Variants in MYO1E observed in about 807,000 individuals in gnomAD.
MYO1E encodes the protein myosin IE.
Under a neutral mutation model 151.1 loss-of-function variants are expected in MYO1E, and 68 were observed. That is an observed-to-expected ratio of 0.45 (90% CI 0.37 to 0.55). The LOEUF (loss-of-function observed/expected upper bound fraction) is 0.55. Among genes scored for constraint, MYO1E ranks in the 20% least tolerant of loss-of-function variants. The pLI is 0.00. For synonymous variants in MYO1E, 601 were observed against 501.7 expected (o/e 1.20, Z -2.64); for missense variants, 1,363 against 1,389.3 (o/e 0.98, Z 0.30).
chr15:59,226,357 G>GAAACA (rs1377498924), intron 7 of MYO1E, among the ~76,000 whole-genome samples: 27 of 152,004 alleles, frequency 1.8e-4, no homozygotes, highest in African/African-American at 6.5e-4. Context: ...AACACGAAAT[G>GAAACA]AAACAAAACA....
intron 26 of MYO1E, among the ~76,000 whole-genome samples, chr15:59,141,797 CA>C (rs753344067): frequency 0.014 from 633 of 44,924 alleles, 1 homozygote; most frequent in African/African-American, 0.032. Flanking sequence ...GACTTTGTCT[CA>C]AAAAAAAAAA....
At chr15:59,210,466 T>A in intron 13 of MYO1E, 48 bp downstream of exon 13, 1 of 1,273,436 alleles carries the variant, frequency 7.9e-7, no homozygotes, top group Non-Finnish European at 1.1e-6. Context: ...AAAACTCACT[T>A]AATGTAAACC....
chr15:59,253,846 T>C (rs941243519), intron 4 of MYO1E, among the ~76,000 whole-genome samples: 2 of 150,588 alleles, frequency 1.3e-5, no homozygotes, highest in Admixed American at 6.6e-5. Context: ...AGCAACATCA[T>C]AGGATACAAT....
At chr15:59,158,410 T>TA in intron 24 of MYO1E, 31 bp from the exon 25 acceptor site, 8 of 1,514,934 alleles carry the variant, frequency 5.3e-6, no homozygotes, top group Non-Finnish European at 7.2e-6. Context: ...TTAAAACCAG[T>TA]GCTACTGGTT....
rs79063730 is a variant in MYO1E, at chr15:59,307,174, G to C, written c.4-34725C>G. On this transcript the variant is annotated intron_variant, in intron 1 of 27. Coordinates refer to ENST00000288235, the MANE Select transcript of MYO1E (RefSeq NM_004998.4). ...TGAAAATGTAGGCTATTGCTTCCCA[G>C]CTTCAGAGTGAAACTAAGTCCAAGG... Among the ~76,000 whole-genome samples, 78 of 152,282 alleles carry C rather than the reference G, an allele frequency of 5.1e-4. 1 individual carries two copies. The highest frequency in any genetic ancestry group is 1.8e-3 in the African/African-American group (73 of 41,556).
At position 59,165,096 on chromosome 15, in the gene MYO1E, T is replaced by C. The variant is rs534871932; in HGVS notation, c.2481-1793A>G. ...CACCTTGACCTTGGACTTCCCGGTC[T>C]CTAGAACTGTAAAAATTAAATTCTT... On this transcript the variant is annotated intron_variant, in intron 22 of 27. Transcript: ENST00000288235. Among the ~76,000 whole-genome samples the C allele has an allele frequency of 5.3e-5, 8 of 152,326 alleles. No homozygotes were observed. The South Asian group carries it at 1.7e-3, about 32-fold the overall frequency.
chr15:59,187,267 T>TA (rs2079704277), intron 18 of MYO1E, among the ~76,000 whole-genome samples: 1 of 152,032 alleles, frequency 6.6e-6, no homozygotes, highest in Non-Finnish European at 1.5e-5. Context: ...AACACCCAAT[T>TA]AAAAAATGGC....
At chr15:59,330,679 C>T (rs142520979) in intron 1 of MYO1E, among the ~76,000 whole-genome samples, 37 of 152,298 alleles carry the variant, frequency 2.4e-4, no homozygotes, top group African/African-American at 8.7e-4. Context: ...GTGCACCTGT[C>T]CCACCTTTAT....
chr15:59,363,508 C>CAA (rs1195768748), intron 1 of MYO1E, among the ~76,000 whole-genome samples: 1 of 152,156 alleles, frequency 6.6e-6, no homozygotes, highest in African/African-American at 2.4e-5. Flanking sequence ...AAAAAGTATA[C>CAA]AAATACGTGG....
intron 18 of MYO1E, among the ~76,000 whole-genome samples, chr15:59,180,653 TC>T (rs1842975888): frequency 6.6e-6 from 1 of 151,992 alleles, no homozygotes; most frequent in African/African-American, 2.4e-5. Context: ...GCCTGGGGCT[TC>T]CTTTGCTTCC....
At chr15:59,321,171 T>C (rs2080623467) in intron 1 of MYO1E, among the ~76,000 whole-genome samples, 1 of 151,886 alleles carries the variant, frequency 6.6e-6, no homozygotes, top group African/African-American at 2.4e-5. Context: ...TATTAGAAAG[T>C]CAAAAAACAA....
chr15:59,285,622 T>C (rs1242174956), intron 1 of MYO1E, among the ~76,000 whole-genome samples: 1 of 152,066 alleles, frequency 6.6e-6, no homozygotes, highest in Non-Finnish European at 1.5e-5. Flanking sequence ...GTGCTGGGAT[T>C]ACAGGCGTGA....
intron 2 of MYO1E, chr15:59,271,045 C>A (rs1421334666): frequency 3.3e-5 from 5 of 152,134 alleles, no homozygotes; most frequent in African/African-American, 1.2e-4. Flanking sequence ...GTAAAATTCC[C>A]TTATAGTAAA....
chr15:59,296,246 T>C (rs1434111259), intron 1 of MYO1E, among the ~76,000 whole-genome samples: 2 of 152,140 alleles, frequency 1.3e-5, no homozygotes, highest in African/African-American at 4.8e-5. Context: ...CACAGCAATT[T>C]CCCATTTTAA....
At chr15:59,167,211 T>G (rs1339727550) in intron 22 of MYO1E, among the ~76,000 whole-genome samples, 1 of 152,192 alleles carries the variant, frequency 6.6e-6, no homozygotes, top group Non-Finnish European at 1.5e-5. Context: ...CTGGAGCCTC[T>G]GTCTAAAAGC....
At position 59,137,854 on chromosome 15, in the gene MYO1E, C is replaced by G. The variant is rs566095565; in HGVS notation, c.3250+344G>C. ...GGACACATGGCTAATTTGGTCTGAT[C>G]AGAATAAAAGTCAGGACTTTTGTCC... On this transcript the variant is annotated intron_variant, in intron 27 of 27. Coordinates refer to ENST00000288235, the MANE Select transcript of MYO1E (RefSeq NM_004998.4). 3.9e-5 allele frequency among the ~76,000 whole-genome samples: 6 copies of G among 152,310 alleles called. No individual in the cohort carries two copies. In the East Asian group the frequency reaches 1.2e-3, roughly 29 times the overall value.
At chr15:59,170,804 GA>G (rs1180539938) in intron 22 of MYO1E, among the ~76,000 whole-genome samples, 1 of 152,110 alleles carries the variant, frequency 6.6e-6, no homozygotes, top group East Asian at 1.9e-4. Context: ...GATGCAACTA[GA>G]AATCTGTTTT....
chr15:59,259,397 G>T (rs1391639010), intron 3 of MYO1E, among the ~76,000 whole-genome samples: 1 of 152,096 alleles, frequency 6.6e-6, no homozygotes, highest in South Asian at 2.1e-4. Context: ...TCTGTTAGGG[G>T]CTACTGCATG....
intron 1 of MYO1E, among the ~76,000 whole-genome samples, chr15:59,297,275 A>AT (rs1163064375): frequency 1.1e-3 from 152 of 138,620 alleles, no homozygotes; most frequent in African/African-American, 1.1e-3. Flanking sequence ...ATTTGTCAGA[A>AT]TTTTTTTTTT....
Sources: gnomAD v4.1 joint callset for allele counts (sites outside exome capture counted in the v4.1 genomes callset) on GRCh38, gnomAD v4.1.1 for gene constraint, MANE v1.5 for transcripts, NCBI Gene and HGNC (gene_info 2026-07-23, HGNC 2026-07-21) for gene names.